TTLL6: variants seen among roughly 807,000 people sequenced by gnomAD.
TTLL6 encodes tubulin polyglutamylase TTLL6.
In TTLL6, 75 loss-of-function variants were observed where a neutral mutation model predicts 96.4. That is an observed-to-expected ratio of 0.78 (90% CI 0.65 to 0.94). The LOEUF (loss-of-function observed/expected upper bound fraction) is 0.94. Ranked by LOEUF, TTLL6 falls within the 40% of genes least tolerant of loss-of-function variation. The pLI is 0.00. For missense variants in TTLL6, 1,030 were observed against 1,093.0 expected (o/e 0.94, Z 0.81); for synonymous variants, 411 against 419.4 (o/e 0.98, Z 0.24).
intron 6 of TTLL6, among the ~76,000 whole-genome samples, chr17:48,799,385 C>T (rs2039371717): frequency 6.6e-6 from 1 of 152,234 alleles, no homozygotes; most frequent in Admixed American, 6.5e-5. Context: ...CCTGGCAGGG[C>T]CAGACCAATT....
chr17:48,811,329 CA>C (rs1256631140), intron 1 of TTLL6, among the ~76,000 whole-genome samples: 1 of 152,056 alleles, frequency 6.6e-6, no homozygotes, highest in African/African-American at 2.4e-5. Flanking sequence ...CTTGGCCACT[CA>C]AAGTGCTGGG....
intron 15 of TTLL6, among the ~76,000 whole-genome samples, chr17:48,766,598 T>G: frequency 6.6e-6 from 1 of 152,196 alleles, no homozygotes; most frequent in East Asian, 1.9e-4. Flanking sequence ...GTGTGGTGGC[T>G]CATATCTGTA....
chr17:48,769,671 T>A, intron 14 of TTLL6, 57 bp downstream of exon 14: 1 of 1,570,692 alleles, frequency 6.4e-7, no homozygotes, highest in Non-Finnish European at 8.6e-7. Flanking sequence ...GGACTGGTTC[T>A]ATCGGTCCCT....
intron 13 of TTLL6, among the ~76,000 whole-genome samples, chr17:48,775,800 C>A (rs2038859252): frequency 6.6e-6 from 1 of 152,082 alleles, no homozygotes; most frequent in Non-Finnish European, 1.5e-5. Flanking sequence ...CTTGGCCTCC[C>A]AACGTGCTGG....
intron 1 of TTLL6, among the ~76,000 whole-genome samples, chr17:48,807,283 G>C (rs143882480): frequency 0.01 from 1,542 of 150,658 alleles, 11 homozygotes; most frequent in Non-Finnish European, 0.015. Flanking sequence ...AGAGATGGGG[G>C]TTTCTCCATG....
intron 12 of TTLL6, among the ~76,000 whole-genome samples, chr17:48,785,771 G>T (rs1259784527): frequency 6.6e-6 from 1 of 152,126 alleles, no homozygotes; most frequent in African/African-American, 2.4e-5. Context: ...CCAGTGGCCT[G>T]CTCTCTCCAC....
intron 6 of TTLL6, among the ~76,000 whole-genome samples, chr17:48,798,899 G>A (rs961762687): frequency 7.2e-6 from 1 of 139,076 alleles, no homozygotes; most frequent in Non-Finnish European, 1.5e-5. Context: ...GCACAATCTT[G>A]GCTCATTGCA....
At position 48,787,977 on chromosome 17, in the gene TTLL6, G is replaced by A. The variant is rs147901482; in HGVS notation, c.1423C>T (p.Arg475Trp). The A allele has an allele frequency of 9.0e-5, 146 of 1,613,896 alleles. 2 individuals carry two copies. The highest frequency in any genetic ancestry group is 1.7e-4 in the Admixed American group (10 of 59,980). ...EMRIEEAKGF[R>W]AVQLKKTETY... ...TCAGTTTTCTTTAACTGCACGGCCC[G>A]GAAACCCTTGGCTTCCTCAATCCTG... Residue 475 changes from arginine to tryptophan, a missense_variant, in exon 11 of 16, where the codon CGG becomes TGG. Transcript: ENST00000393382.
intron 9 of TTLL6, among the ~76,000 whole-genome samples, chr17:48,790,624 G>A (rs1314729813): frequency 6.6e-6 from 1 of 152,182 alleles, no homozygotes; most frequent in African/African-American, 2.4e-5. Flanking sequence ...GCTTGGTCCT[G>A]ATGGCTCATT....
At chr17:48,800,335 A>C (rs539857232) in intron 5 of TTLL6, 2 of 152,382 alleles carry the variant, frequency 1.3e-5, no homozygotes, top group Non-Finnish European at 2.9e-5. Context: ...TATTTTGAGG[A>C]AAGTATATTC....
At chr17:48,786,386 A>G (rs761186875) in intron 11 of TTLL6, 51 bp from the exon 12 acceptor site, 1 of 1,608,356 alleles carries the variant, frequency 6.2e-7, no homozygotes, top group Non-Finnish European at 8.5e-7. Flanking sequence ...TGCGCTGCGC[A>G]GGCAGGCATT....
chr17:48,805,132 G>A, intron 1 of TTLL6, 141 bp from the exon 2 acceptor site: 7 of 676,652 alleles, frequency 1.0e-5, no homozygotes, highest in South Asian at 3.7e-5. Flanking sequence ...GGCCTCCGCG[G>A]TTTGATGCAA....
intron 6 of TTLL6, among the ~76,000 whole-genome samples, chr17:48,798,649 G>A (rs1054450000): frequency 4.6e-5 from 7 of 152,034 alleles, no homozygotes; most frequent in Non-Finnish European, 1.0e-4. Context: ...TGAGGTGGGA[G>A]GATTGCATGA....
Position 48,785,152 on chromosome 17 carries a change from C to T in TTLL6, c.1811G>A (p.Ser604Asn). ...TTCATTTTTCCTTTCACCTCTGACA[C>T]TCAAGAGCAAGTCAGGTGTGTAGGA... Reference protein sequence around the residue: ...LVSYTPDLLLSVRGERKNETD... With the variant: ...LVSYTPDLLLNVRGERKNETD... The change falls in exon 13 of 16, where the codon AGT (serine) becomes AAT (asparagine). Residue 604 changes from serine to asparagine, a missense_variant. Transcript: ENST00000393382. The T allele has an allele frequency of 2.5e-6, 4 of 1,614,136 alleles. No individual in the cohort carries two copies. The highest frequency in any genetic ancestry group is 3.4e-6 in the Non-Finnish European group (4 of 1,180,042).
intron 11 of TTLL6, among the ~76,000 whole-genome samples, chr17:48,786,549 T>C (rs1479026228): frequency 6.6e-6 from 1 of 152,210 alleles, no homozygotes; most frequent in African/African-American, 2.4e-5. Context: ...TGTGTGGGAA[T>C]AGCATCCAAG....
chr17:48,815,502 C>T (rs1470216019), intron 1 of TTLL6: 1 of 152,170 alleles, frequency 6.6e-6, no homozygotes, highest in Non-Finnish European at 1.5e-5. Context: ...CATAAAAATC[C>T]AAGCAATTAT....
intron 8 of TTLL6, among the ~76,000 whole-genome samples, chr17:48,794,926 C>A (rs943789166): frequency 3.3e-5 from 5 of 152,228 alleles, no homozygotes; most frequent in African/African-American, 1.2e-4. Context: ...CTCACGCAAC[C>A]TCTGAGACTC....
rs531315396 is a variant in TTLL6 at position 48,780,337 on chromosome 17, C to T, written c.2040+4586G>A. Among the ~76,000 whole-genome samples the T allele has an allele frequency of 5.3e-5, 8 of 152,090 alleles. No homozygotes were observed. In the East Asian group the frequency reaches 1.4e-3, roughly 26 times the overall value. On this transcript the variant is annotated intron_variant, in intron 13 of 15. Transcript: ENST00000393382. ...CTGGCATTACAGATGGGAGCCACTGCGCCCAGACTCTACTTTAAAAAATCC... is the reference window on the plus strand; with the variant it reads ...CTGGCATTACAGATGGGAGCCACTGTGCCCAGACTCTACTTTAAAAAATCC...
rs150769649 is a variant in TTLL6, at chr17:48,807,156, C to A, written c.104-2165G>T. Among the ~76,000 whole-genome samples the A allele has an allele frequency of 7.1e-3, 1,082 of 151,976 alleles. 12 individuals are homozygous for A. Among genetic ancestry groups the A allele is most frequent in the African/African-American group, 0.025 (1,019 of 41,466 alleles). On this transcript the variant is annotated intron_variant, in intron 1 of 15. Coordinates refer to ENST00000393382, the MANE Select transcript of TTLL6 (RefSeq NM_001130918.3). ...AGGATGGAGTGCAATGGCGCCATCT[C>A]GGCTCACTACAACCTCCACCTCCCG... is the stretch of plus-strand genomic sequence containing the variant.
Sources: allele counts gnomAD v4.1 joint callset (sites outside exome capture counted in the v4.1 genomes callset), GRCh38; gene constraint gnomAD v4.1.1; transcripts MANE v1.5; gene names NCBI Gene and HGNC (gene_info 2026-07-23, HGNC 2026-07-21).